CSNK1G1: variants seen among roughly 807,000 people sequenced by gnomAD.
CSNK1G1 encodes the protein casein kinase I isoform gamma-1.
CSNK1G1 carries 22 observed loss-of-function variants against 59.6 expected under a neutral mutation model. The ratio of observed to expected loss-of-function variants is 0.37; its 90% CI spans 0.26 to 0.53. The LOEUF (loss-of-function observed/expected upper bound fraction) is 0.53, where lower values mean the gene tolerates loss of function less well. Among genes scored for constraint, CSNK1G1 ranks in the 20% least tolerant of loss-of-function variants. The probability of loss-of-function intolerance (pLI) is 0.89; values close to 1 mark genes in which losing one functional copy is unlikely to be tolerated. For synonymous variants in CSNK1G1, 179 were observed against 177.1 expected (o/e 1.01, Z -0.08); for missense variants, 384 against 519.5 (o/e 0.74, Z 2.54).
chr15:64,218,653 T>A (rs2082344081), intron 4 of CSNK1G1, among the ~76,000 whole-genome samples: 1 of 151,992 alleles, frequency 6.6e-6, no homozygotes, highest in Non-Finnish European at 1.5e-5. Context: ...CCTCCCAAAA[T>A]GCTGGGATTA....
intron 1 of CSNK1G1, among the ~76,000 whole-genome samples, chr15:64,346,719 A>T (rs1898000165): frequency 6.6e-6 from 1 of 152,012 alleles, no homozygotes; most frequent in Non-Finnish European, 1.5e-5. Flanking sequence ...TGGCCCCCCA[A>T]AGTGCTGAGA....
chr15:64,308,659 G>C (rs927444430), intron 1 of CSNK1G1, among the ~76,000 whole-genome samples: 2 of 152,072 alleles, frequency 1.3e-5, no homozygotes, highest in Non-Finnish European at 2.9e-5. Flanking sequence ...CACTTTGGGA[G>C]GCCGAGGCGG....
intron 1 of CSNK1G1, among the ~76,000 whole-genome samples, chr15:64,347,766 G>A (rs976594696): frequency 6.6e-6 from 1 of 152,074 alleles, no homozygotes; most frequent in Non-Finnish European, 1.5e-5. Context: ...CCAGCACTTT[G>A]GGAGGCTGAG....
Position 64,169,253 on chromosome 15 carries a change from G to C in CSNK1G1, c.*2678C>G, listed in dbSNP as rs967365961. On this transcript the variant is annotated 3_prime_UTR_variant, in exon 12 of 12. Transcript: ENST00000303052. ...CTGCCCTTTTTTTTTTTTCTTTTTAGACAGAGTCTCACTCTGTTGCCCAGG... is the reference window on the plus strand; with the variant it reads ...CTGCCCTTTTTTTTTTTTCTTTTTACACAGAGTCTCACTCTGTTGCCCAGG... 6.7e-6 allele frequency: 1 copy of C among 148,744 alleles called. No homozygotes were observed. The highest frequency in any genetic ancestry group is 2.5e-5 in the African/African-American group (1 of 39,882). 9.2% of individuals were successfully genotyped at this position (148,744 alleles called of 1,614,324 possible).
chr15:64,166,082 T>C lies in CSNK1G1; in HGVS notation c.*5849A>G, dbSNP rs866082780. 1.9e-6 allele frequency: 1 copy of C among 535,604 alleles called. No homozygotes were observed. The highest frequency in any genetic ancestry group is 3.3e-6 in the Non-Finnish European group (1 of 303,820). The allele number at this position is 535,604 out of a possible 1,614,324, so 33.2% of individuals were successfully genotyped here. On this transcript the variant is annotated 3_prime_UTR_variant, in exon 12 of 12. Transcript: ENST00000303052. The surrounding 1 kb of genome is among the most constrained non-coding windows in gnomAD (Gnocchi z 4.5). ...CAGGGTTTATGAAACATTATACATC[T>C]AAAAAAAAAAAAAGTAAAAAAAGAG...
At chr15:64,349,206 C>A (rs1418727620) in intron 1 of CSNK1G1, among the ~76,000 whole-genome samples, 1 of 151,006 alleles carries the variant, frequency 6.6e-6, no homozygotes, top group Non-Finnish European at 1.5e-5. Context: ...GTCGTAAATA[C>A]CCCTTTTTAT....
chr15:64,278,139 C>T (rs977360000), intron 2 of CSNK1G1, among the ~76,000 whole-genome samples: 3 of 150,102 alleles, frequency 2.0e-5, no homozygotes. Flanking sequence ...TCTGCCCCGC[C>T]GGTTTCAAGC....
intron 10 of CSNK1G1, among the ~76,000 whole-genome samples, chr15:64,186,195 C>T (rs1350288980): frequency 6.6e-6 from 1 of 152,122 alleles, no homozygotes; most frequent in African/African-American, 2.4e-5. Context: ...CAACTTCTGC[C>T]TCCCGAGTTT....
At chr15:64,202,374 T>A (rs981009416) in intron 10 of CSNK1G1, among the ~76,000 whole-genome samples, 1 of 152,038 alleles carries the variant, frequency 6.6e-6, no homozygotes, top group African/African-American at 2.4e-5. Flanking sequence ...GTACATCCTG[T>A]CTGTGCGACA....
At chr15:64,217,592 A>ACTCC (rs2082328804) in intron 4 of CSNK1G1, among the ~76,000 whole-genome samples, 2 of 152,086 alleles carry the variant, frequency 1.3e-5, no homozygotes, top group South Asian at 4.1e-4. Flanking sequence ...GGCTGAGGTG[A>ACTCC]GTGGATCACA....
At chr15:64,338,704 A>C (rs1897521393) in intron 1 of CSNK1G1, among the ~76,000 whole-genome samples, 1 of 138,886 alleles carries the variant, frequency 7.2e-6, no homozygotes, top group Non-Finnish European at 1.6e-5. Context: ...CGGTCTCAAA[A>C]AAAAAAAAAA....
At chr15:64,208,829 C>A (rs570116212) in intron 6 of CSNK1G1, among the ~76,000 whole-genome samples, 22 of 152,274 alleles carry the variant, frequency 1.4e-4, no homozygotes, top group African/African-American at 5.3e-4. Flanking sequence ...AGCCATTGCA[C>A]CCAGTCCATG....
chr15:64,285,232 C>G (rs1274725528), intron 2 of CSNK1G1, among the ~76,000 whole-genome samples: 1 of 152,002 alleles, frequency 6.6e-6, no homozygotes, highest in Non-Finnish European at 1.5e-5. Context: ...AAATTATAAT[C>G]ATGAAAACCA....
intron 1 of CSNK1G1, among the ~76,000 whole-genome samples, chr15:64,344,827 T>C (rs1897860139): frequency 6.6e-6 from 1 of 152,216 alleles, no homozygotes; most frequent in African/African-American, 2.4e-5. Flanking sequence ...AGGGTCTAAC[T>C]AGACCATCTC....
chr15:64,229,512 CTCTT>C (rs1380742949), intron 4 of CSNK1G1, among the ~76,000 whole-genome samples: 1 of 149,492 alleles, frequency 6.7e-6, no homozygotes, highest in East Asian at 2.0e-4. Context: ...AGTATTCTCT[CTCTT>C]TCTCTCTCTC....
At chr15:64,206,425 G>A (rs34932445) in intron 7 of CSNK1G1, among the ~76,000 whole-genome samples, 1,655 of 151,950 alleles carry the variant, frequency 0.011, 16 homozygotes, top group Non-Finnish European at 0.015. Context: ...GGGCAACAAA[G>A]CGAGAGTCCG....
Position 64,235,139 on chromosome 15 carries a change from TA to T in CSNK1G1, c.292+16372del, listed in dbSNP as rs2082598561. On this transcript the variant is annotated intron_variant, in intron 4 of 11. Coordinates refer to ENST00000303052, the MANE Select transcript of CSNK1G1 (RefSeq NM_022048.5). ...GACCAAGAGTAGTTGTCTTGGTTCC[TA>T]GGAATTATCCAAGTGTTTTGTTCTA... 2.0e-5 allele frequency among the ~76,000 whole-genome samples: 3 copies of T among 152,322 alleles called. No individual in the cohort carries two copies. In the South Asian group the frequency reaches 6.2e-4, roughly 32 times the overall value.
intron 4 of CSNK1G1, among the ~76,000 whole-genome samples, chr15:64,237,063 T>TA (rs1268415866): frequency 6.6e-6 from 1 of 152,104 alleles, no homozygotes; most frequent in Non-Finnish European, 1.5e-5. Context: ...TCATAAGTGC[T>TA]AAAAAATAGG....
intron 11 of CSNK1G1, among the ~76,000 whole-genome samples, chr15:64,177,902 A>C (rs1409407337): frequency 2.0e-5 from 3 of 152,240 alleles, no homozygotes; most frequent in African/African-American, 7.2e-5. Context: ...CCTTCAAAGT[A>C]ATAGCCACAA....
Sources: gnomAD v4.1 joint callset for allele counts (sites outside exome capture counted in the v4.1 genomes callset) on GRCh38, gnomAD v4.1.1 for gene constraint, Gnocchi (gnomAD v3.1) non-coding constraint, MANE v1.5 for transcripts, NCBI Gene and HGNC (gene_info 2026-07-23, HGNC 2026-07-21) for gene names.